TAFA1: variants seen among roughly 807,000 people sequenced by gnomAD.
The protein encoded by TAFA1 is chemokine-like protein TAFA-1.
In TAFA1, 4 loss-of-function variants were observed where a neutral mutation model predicts 18.5. The ratio of observed to expected loss-of-function variants is 0.22; its 90% CI spans 0.11 to 0.49. TAFA1 has a LOEUF of 0.49. TAFA1 is among the 20% of genes least tolerant of loss of function. TAFA1 has a pLI of 0.98. For missense variants in TAFA1, 147 were observed against 169.0 expected (o/e 0.87, Z 0.72); for synonymous variants, 56 against 55.2 (o/e 1.01, Z -0.06).
Position 68,007,753 on chromosome 3 carries a change from C to T in TAFA1, c.118+1009C>T, listed in dbSNP as rs570622306. ...AATCCCATCAATGGCCTCCTCCCCC[C>T]ATCCGTCGAGCTTCCTCCTGCTGCG... is the stretch of plus-strand genomic sequence containing the variant. On this transcript the variant is annotated intron_variant, in intron 2 of 4. Transcript: ENST00000478136. Among the ~76,000 whole-genome samples the T allele has an allele frequency of 3.3e-5, 5 of 152,278 alleles. No individual in the cohort carries two copies. The East Asian group carries it at 5.8e-4, about 18-fold the overall frequency.
chr3:68,468,169 G>C (rs1035308677), intron 3 of TAFA1, among the ~76,000 whole-genome samples: 1 of 152,098 alleles, frequency 6.6e-6, no homozygotes, highest in Non-Finnish European at 1.5e-5. Context: ...TGAACTTTTT[G>C]ACTATTTTAA....
intron 2 of TAFA1, among the ~76,000 whole-genome samples, chr3:68,387,401 T>G (rs558214676): frequency 6.6e-6 from 1 of 152,238 alleles, no homozygotes; most frequent in East Asian, 1.9e-4. Context: ...AAACGTAATG[T>G]TCGTGGAGCC....
intron 2 of TAFA1, among the ~76,000 whole-genome samples, chr3:68,113,990 C>G (rs1160432188): frequency 6.6e-6 from 1 of 150,596 alleles, no homozygotes; most frequent in African/African-American, 2.4e-5. Flanking sequence ...CTGCAACCTC[C>G]GCCTCCTGGA....
At chr3:68,491,496 C>T (rs1290170727) in intron 3 of TAFA1, among the ~76,000 whole-genome samples, 2 of 131,666 alleles carry the variant, frequency 1.5e-5, no homozygotes, top group African/African-American at 5.9e-5. Context: ...ACAATGAGAA[C>T]ACATGGACAC....
chr3:68,072,257 A>C (rs1215664214), intron 2 of TAFA1, among the ~76,000 whole-genome samples: 1 of 152,168 alleles, frequency 6.6e-6, no homozygotes, highest in Non-Finnish European at 1.5e-5. Flanking sequence ...GGCAGAGCAG[A>C]TATCATGAGC....
intron 2 of TAFA1, among the ~76,000 whole-genome samples, chr3:68,385,190 A>G (rs2070067715): frequency 1.3e-5 from 2 of 152,200 alleles, no homozygotes; most frequent in Admixed American, 6.6e-5. Context: ...TGAGGATTAC[A>G]TGAGATAATG....
intron 2 of TAFA1, among the ~76,000 whole-genome samples, chr3:68,173,911 T>A (rs538017363): frequency 1.5e-4 from 18 of 122,314 alleles, no homozygotes; most frequent in South Asian, 8.2e-4. Context: ...ATTAAAAAAA[T>A]ATATATTTCT....
intron 2 of TAFA1, among the ~76,000 whole-genome samples, chr3:68,405,569 A>G (rs1470821361): frequency 1.3e-5 from 2 of 150,092 alleles, no homozygotes; most frequent in East Asian, 3.9e-4. Context: ...GCATAGTGGC[A>G]TGTTCTTGCA....
At chr3:68,005,700 G>A (rs554453983) in intron 1 of TAFA1, among the ~76,000 whole-genome samples, 1 of 152,322 alleles carries the variant, frequency 6.6e-6, no homozygotes, top group African/African-American at 2.4e-5. Flanking sequence ...CTGGATTCTT[G>A]TGTAGAAAAT....
intron 2 of TAFA1, among the ~76,000 whole-genome samples, chr3:68,130,243 T>G (rs970125075): frequency 2.6e-5 from 4 of 152,220 alleles, no homozygotes; most frequent in Admixed American, 6.5e-5. Context: ...AATTATTTTT[T>G]GAATTACTTT....
intron 2 of TAFA1, among the ~76,000 whole-genome samples, chr3:68,339,485 T>G (rs1258783955): frequency 6.6e-6 from 1 of 152,210 alleles, no homozygotes; most frequent in Non-Finnish European, 1.5e-5. Context: ...CATTTATTTT[T>G]TGAAGACATT....
At chr3:68,461,273 C>A (rs540873593) in intron 3 of TAFA1, among the ~76,000 whole-genome samples, 57 of 140,318 alleles carry the variant, frequency 4.1e-4, no homozygotes, top group African/African-American at 1.5e-3. Flanking sequence ...TAGAGTGAGA[C>A]TCTGCCAAAA....
intron 4 of TAFA1, among the ~76,000 whole-genome samples, chr3:68,542,892 C>T (rs914633481): frequency 3.9e-5 from 6 of 152,162 alleles, no homozygotes; most frequent in Admixed American, 6.5e-5. Flanking sequence ...CGACAGAGGA[C>T]GCAATCAGAT....
At chr3:68,361,741 G>A (rs1381005707) in intron 2 of TAFA1, among the ~76,000 whole-genome samples, 1 of 151,992 alleles carries the variant, frequency 6.6e-6, no homozygotes, top group Non-Finnish European at 1.5e-5. Context: ...CATTTCATGA[G>A]CATGTATTAT....
intron 2 of TAFA1, among the ~76,000 whole-genome samples, chr3:68,311,941 G>A (rs1262852097): frequency 6.6e-6 from 1 of 152,182 alleles, no homozygotes; most frequent in Non-Finnish European, 1.5e-5. Context: ...TTCTGCCTAG[G>A]CATCCAGGCA....
upstream of TAFA1, among the ~76,000 whole-genome samples, chr3:68,002,415 T>C (rs1704293410): frequency 6.6e-6 from 1 of 152,162 alleles, no homozygotes. Flanking sequence ...TGACCCTTAT[T>C]TTAATCTCTA....
At chr3:68,307,153 A>G (rs1381278641) in intron 2 of TAFA1, among the ~76,000 whole-genome samples, 4 of 152,226 alleles carry the variant, frequency 2.6e-5, no homozygotes, top group Non-Finnish European at 2.9e-5. Context: ...GTGCCTAATC[A>G]GCATCACTAA....
At chr3:67,995,096 G>A in the TAFA1 span, among the ~76,000 whole-genome samples, 3 of 152,078 alleles carry the variant, frequency 2.0e-5, no homozygotes, top group African/African-American at 4.8e-5. Context: ...AGCTATTATC[G>A]TACCAAGCAC....
chr3:68,067,107 T>C (rs2064688174), intron 2 of TAFA1, among the ~76,000 whole-genome samples: 1 of 152,206 alleles, frequency 6.6e-6, no homozygotes, highest in Non-Finnish European at 1.5e-5. Flanking sequence ...GTCCATAATA[T>C]TGGCCAGGAT....
Sources: gnomAD v4.1 joint callset for allele counts (sites outside exome capture counted in the v4.1 genomes callset) on GRCh38, gnomAD v4.1.1 for gene constraint, MANE v1.5 for transcripts, NCBI Gene and HGNC (gene_info 2026-07-23, HGNC 2026-07-21) for gene names.